MYO1B: variants seen among roughly 807,000 people sequenced by gnomAD.
MYO1B encodes unconventional myosin-Ib.
Under a neutral mutation model 159.7 loss-of-function variants are expected in MYO1B, and 72 were observed. The observed-to-expected ratio is 0.45, with a 90% CI of 0.37 to 0.55. MYO1B has a LOEUF of 0.55. Ranked by LOEUF, MYO1B falls within the 20% of genes least tolerant of loss-of-function variation. The pLI is 0.00. For missense variants in MYO1B, 1,062 were observed against 1,364.8 expected (o/e 0.78, Z 3.50); for synonymous variants, 468 against 473.8 (o/e 0.99, Z 0.16).
At chr2:191,378,314 A>G (rs979890410) in intron 13 of MYO1B, among the ~76,000 whole-genome samples, 10 of 152,002 alleles carry the variant, frequency 6.6e-5, no homozygotes, top group Admixed American at 1.3e-4. Flanking sequence ...TTTGAGCAAC[A>G]TGGCTGTTTA....
intron 11 of MYO1B, among the ~76,000 whole-genome samples, chr2:191,368,767 A>T (rs1329631212): frequency 6.6e-6 from 1 of 152,132 alleles, no homozygotes; most frequent in Admixed American, 6.5e-5. Flanking sequence ...TGAGGCCAGG[A>T]GTTTGAGACC....
intron 2 of MYO1B, among the ~76,000 whole-genome samples, chr2:191,294,248 C>T: frequency 6.6e-6 from 1 of 152,132 alleles, no homozygotes; most frequent in South Asian, 2.1e-4. Context: ...AGATTTTTAT[C>T]AAGAATTTAG....
intron 2 of MYO1B, among the ~76,000 whole-genome samples, chr2:191,292,528 C>T (rs1428445612): frequency 6.6e-6 from 1 of 152,036 alleles, no homozygotes; most frequent in Non-Finnish European, 1.5e-5. Context: ...GTTGTGAAGA[C>T]CAAAGTTTTA....
intron 1 of MYO1B, among the ~76,000 whole-genome samples, chr2:191,262,235 G>A (rs1055260102): frequency 3.3e-5 from 5 of 151,984 alleles, no homozygotes; most frequent in African/African-American, 1.2e-4. Flanking sequence ...GCACTCTTTG[G>A]GGCAGACACA....
In MYO1B at chr2:191,330,035, G is replaced by T. The variant is rs909482405; in HGVS notation, c.346+6G>T. On this transcript the variant is annotated splice_donor_region_variant and intron_variant, in intron 4 of 30. Transcript: ENST00000392318. ...AAGTGGAGCAGGAAAAACAGGTAAG[G>T]CTCCTACCAAGCAACTCTGCAGAAG... 8 of 1,609,422 alleles carry T rather than the reference G, an allele frequency of 5.0e-6. No individual in the cohort carries two copies. Among genetic ancestry groups the T allele is most frequent in the East Asian group, 4.5e-5 (2 of 44,704 alleles).
chr2:191,422,354 A>C (rs1697990717), intron 30 of MYO1B, among the ~76,000 whole-genome samples: 3 of 152,132 alleles, frequency 2.0e-5, no homozygotes, highest in Admixed American at 2.0e-4. Flanking sequence ...CAGGGATCTC[A>C]TCATATACAG....
rs574446210 is a variant in MYO1B at position 191,258,953 on chromosome 2, C to T, written c.-10+13327C>T. On this transcript the variant is annotated intron_variant, in intron 1 of 30. Coordinates refer to ENST00000392318, the MANE Select transcript of MYO1B (RefSeq NM_001130158.3). ...GTCTCATGGACCCTGGGCTGTAGTA[C>T]CTGACTATCTTCTGCAACTCGGATG... Among the ~76,000 whole-genome samples the T allele has an allele frequency of 3.3e-5, 5 of 152,278 alleles. No homozygotes were observed. In the South Asian group the frequency reaches 8.3e-4, roughly 25 times the overall value.
intron 3 of MYO1B, among the ~76,000 whole-genome samples, chr2:191,321,778 A>G (rs1427751869): frequency 6.6e-6 from 1 of 152,038 alleles, no homozygotes; most frequent in African/African-American, 2.4e-5. Context: ...GAGTTTACAG[A>G]TATGTTTATT....
chr2:191,393,342 TG>T (rs1695877073), intron 20 of MYO1B, 120 bp downstream of exon 20: 1 of 1,162,470 alleles, frequency 8.6e-7, no homozygotes, highest in African/African-American at 1.6e-5. Flanking sequence ...CATGAGATAA[TG>T]GATGTTCTTA....
rs1310142187 is a variant in MYO1B, at chr2:191,363,629, G to GT, written c.766-92dup. 77 of 1,433,370 alleles carry GT rather than the reference G, an allele frequency of 5.4e-5. 1 individual carries two copies. Among genetic ancestry groups the GT allele is most frequent in the South Asian group, 3.4e-4 (23 of 67,034 alleles). The allele number at this position is 1,433,370 out of a possible 1,614,324, so 88.8% of individuals were successfully genotyped here. A position where few individuals can be genotyped will look rare whatever the true frequency, so the allele number is the denominator to read the frequency against. On this transcript the variant is annotated intron_variant, in intron 9 of 30. Coordinates refer to ENST00000392318, the MANE Select transcript of MYO1B (RefSeq NM_001130158.3). The stretch of plus-strand genomic sequence containing the variant: ...GAAGATATAGCTTTGTCTTTTATGG[G>GT]TTTTTTTCCCCAGAAATAAATCTGT...
At position 191,359,122 on chromosome 2, in the gene MYO1B, T is replaced by C. The variant is rs539353688; in HGVS notation, c.563-1509T>C. On this transcript the variant is annotated intron_variant, in intron 7 of 30. Transcript: ENST00000392318. ...CTTCTAAAACTGTTACAGGATCCCATAGAAGCTCAGTCACATGATAAGTAA... is the reference window on the plus strand; with the variant it reads ...CTTCTAAAACTGTTACAGGATCCCACAGAAGCTCAGTCACATGATAAGTAA... Among the ~76,000 whole-genome samples, 472 of 152,314 alleles carry C rather than the reference T, an allele frequency of 3.1e-3. 3 individuals are homozygous for C. Among genetic ancestry groups the C allele is most frequent in the Middle Eastern group, 0.014 (4 of 294 alleles).
intron 7 of MYO1B, among the ~76,000 whole-genome samples, chr2:191,350,997 C>T (rs1391264416): frequency 6.6e-6 from 1 of 151,920 alleles, no homozygotes; most frequent in African/African-American, 2.4e-5. Context: ...CCTCTTGACT[C>T]GTGGTTGATT....
rs111701965 is a variant in MYO1B, at chr2:191,267,772, C to T, written c.-9-9115C>T. 3.8e-3 allele frequency among the ~76,000 whole-genome samples: 572 copies of T among 152,216 alleles called. 3 individuals carry two copies. The highest frequency in any genetic ancestry group is 6.1e-3 in the Non-Finnish European group (416 of 68,012). On this transcript the variant is annotated intron_variant, in intron 1 of 30. Coordinates refer to ENST00000392318, the MANE Select transcript of MYO1B (RefSeq NM_001130158.3). ...TAGAATCCAGTTTTCACCCAGTTTG[C>T]GTTTTTGGTTGGTAAATACTAAGGA...
At position 191,400,432 on chromosome 2, in the gene MYO1B, A is replaced by G. The variant is rs2126133903; in HGVS notation, c.2346A>G (p.Ala782=). The change falls in exon 22 of 31, where the codon GCA becomes GCG. Residue 782 remains alanine (A), a synonymous_variant. Transcript: ENST00000392318. ...AGCATCAAAAGCGCTGTAAGGAAGC[A>G]GTCACGACCATTGCTGCATATTGGC... The part of the protein sequence containing the change: ...ELKHQKRCKE[A]VTTIAAYWHG... 1 of 1,614,198 alleles carries G rather than the reference A, an allele frequency of 6.2e-7. No individual in the cohort carries two copies. Among genetic ancestry groups the G allele is most frequent in the Non-Finnish European group, 8.5e-7 (1 of 1,180,034 alleles).
Position 191,414,595 on chromosome 2 carries a change from G to A in MYO1B, c.3085G>A (p.Val1029Ile), listed in dbSNP as rs749073675. 6.2e-7 allele frequency: 1 copy of A among 1,613,696 alleles called. No individual in the cohort carries two copies. Among genetic ancestry groups the A allele is most frequent in the Non-Finnish European group, 8.5e-7 (1 of 1,179,828 alleles). The change falls in exon 29 of 31, where the codon GTT becomes ATT. Residue 1029 changes from valine (V) to isoleucine (I), a missense_variant. Coordinates refer to ENST00000392318, the MANE Select transcript of MYO1B (RefSeq NM_001130158.3). ...DQKSGQIKSE[V>I]PLVDVTKVSM... ...AAAGTCTGGACAAATCAAGTCAGAG[G>A]TTCCATTGGTGGATGTGACCAAGGT...
intron 1 of MYO1B, among the ~76,000 whole-genome samples, chr2:191,264,370 TA>T (rs1687001057): frequency 6.6e-6 from 1 of 152,204 alleles, no homozygotes; most frequent in Non-Finnish European, 1.5e-5. Flanking sequence ...TTTATTATTC[TA>T]AAAAACTTTT....
intron 1 of MYO1B, among the ~76,000 whole-genome samples, chr2:191,265,724 G>C (rs1687095721): frequency 6.6e-6 from 1 of 152,188 alleles, no homozygotes; most frequent in Non-Finnish European, 1.5e-5. Flanking sequence ...GCATTGAAAA[G>C]TCCGTGCGTT....
chr2:191,396,740 ATAATACCC>A (rs1696099758), intron 21 of MYO1B, among the ~76,000 whole-genome samples: 1 of 152,196 alleles, frequency 6.6e-6, no homozygotes, highest in East Asian at 1.9e-4. Context: ...AGTCCTTGAA[ATAATACCC>A]GTACATGATT....
intron 2 of MYO1B, among the ~76,000 whole-genome samples, chr2:191,282,411 A>C (rs1306323769): frequency 6.6e-6 from 1 of 152,202 alleles, no homozygotes; most frequent in Non-Finnish European, 1.5e-5. Flanking sequence ...GCTGGAGTTC[A>C]GACAACCACC....
Sources: allele counts gnomAD v4.1 joint callset (sites outside exome capture counted in the v4.1 genomes callset), GRCh38; gene constraint gnomAD v4.1.1; transcripts MANE v1.5; gene names NCBI Gene and HGNC (gene_info 2026-07-23, HGNC 2026-07-21).